DCC: variants seen among roughly 807,000 people sequenced by gnomAD.
DCC encodes DCC netrin 1 receptor.
Under a neutral mutation model 172.5 loss-of-function variants are expected in DCC, and 58 were observed. The observed-to-expected ratio is 0.34, with a 90% CI of 0.27 to 0.42. The LOEUF (loss-of-function observed/expected upper bound fraction) is 0.42, where lower values mean the gene tolerates loss of function less well. DCC is among the 10% of genes least tolerant of loss of function. The probability of loss-of-function intolerance (pLI) is 1.00; values close to 1 mark genes in which losing one functional copy is unlikely to be tolerated. For synonymous variants in DCC, 709 were observed against 644.5 expected (o/e 1.10, Z -1.52); for missense variants, 1,740 against 1,791.0 (o/e 0.97, Z 0.51).
At chr18:53,404,806 C>CA (rs775860531) in intron 19 of DCC, among the ~76,000 whole-genome samples, 2 of 151,168 alleles carry the variant, frequency 1.3e-5, no homozygotes, top group Non-Finnish European at 3.0e-5. Flanking sequence ...TTGTATATGC[C>CA]AAAATCACAG....
intron 8 of DCC, among the ~76,000 whole-genome samples, chr18:53,170,330 A>G (rs754420953): frequency 6.6e-6 from 1 of 152,252 alleles, no homozygotes; most frequent in Admixed American, 6.5e-5. Context: ...GAATATTTTC[A>G]TTATTGGAAC....
intron 2 of DCC, among the ~76,000 whole-genome samples, chr18:52,838,374 G>C (rs2038749317): frequency 6.6e-6 from 1 of 151,930 alleles, no homozygotes; most frequent in African/African-American, 2.4e-5. Context: ...TCACATTCTG[G>C]TGACTAACAG....
At chr18:52,938,057 G>A (rs2040406584) in intron 5 of DCC, among the ~76,000 whole-genome samples, 1 of 152,064 alleles carries the variant, frequency 6.6e-6, no homozygotes, top group Non-Finnish European at 1.5e-5. Context: ...CATAATCATT[G>A]TTTTTTAATA....
chr18:53,245,624 C>T (rs2056356589), intron 12 of DCC, among the ~76,000 whole-genome samples: 1 of 152,042 alleles, frequency 6.6e-6, no homozygotes, highest in Non-Finnish European at 1.5e-5. Context: ...TATAATGTTT[C>T]TCCTTTCGAT....
At chr18:53,027,149 C>G (rs948709263) in intron 5 of DCC, among the ~76,000 whole-genome samples, 1 of 152,134 alleles carries the variant, frequency 6.6e-6, no homozygotes, top group Non-Finnish European at 1.5e-5. Flanking sequence ...AAAGCATACC[C>G]TCCTTAGGAC....
At chr18:52,788,605 T>C (rs2037703178) in intron 2 of DCC, among the ~76,000 whole-genome samples, 1 of 152,242 alleles carries the variant, frequency 6.6e-6, no homozygotes. Flanking sequence ...TATTTTTCTT[T>C]AATCAATTAG....
intron 22 of DCC, among the ~76,000 whole-genome samples, chr18:53,437,635 C>CTTG (rs1374528071): frequency 7.3e-6 from 1 of 137,612 alleles, no homozygotes; most frequent in Non-Finnish European, 1.5e-5. Flanking sequence ...AGAGGAGGGA[C>CTTG]TTGTTGAGAC....
intron 1 of DCC, among the ~76,000 whole-genome samples, chr18:52,536,363 C>T (rs1432308860): frequency 6.6e-6 from 1 of 152,060 alleles, no homozygotes; most frequent in Non-Finnish European, 1.5e-5. Flanking sequence ...GCTGCTGCTC[C>T]TAAGTTAGGC....
intron 25 of DCC, among the ~76,000 whole-genome samples, chr18:53,471,446 C>G (rs752377285): frequency 1.3e-5 from 2 of 152,144 alleles, no homozygotes; most frequent in Non-Finnish European, 2.9e-5. Context: ...TTTGCCTTTA[C>G]AGTCAATTCT....
chr18:53,351,348 T>TATAC (rs1555656824), intron 15 of DCC, among the ~76,000 whole-genome samples: 1 of 54,698 alleles, frequency 1.8e-5, no homozygotes, highest in South Asian at 4.6e-4. Flanking sequence ...TATATATATA[T>TATAC]ACACAGTATA....
At chr18:53,148,132 G>T (rs1410770154) in intron 7 of DCC, among the ~76,000 whole-genome samples, 1 of 152,080 alleles carries the variant, frequency 6.6e-6, no homozygotes, top group Non-Finnish European at 1.5e-5. Flanking sequence ...TTTTACTTTA[G>T]TAGTGTCTCA....
At chr18:53,275,489 T>C (rs2056794664) in intron 12 of DCC, among the ~76,000 whole-genome samples, 1 of 152,136 alleles carries the variant, frequency 6.6e-6, no homozygotes, top group East Asian at 1.9e-4. Flanking sequence ...TGGTTTTAAA[T>C]TGGTAGTCCT....
At chr18:52,976,093 A>G (rs2041112744) in intron 5 of DCC, among the ~76,000 whole-genome samples, 1 of 151,902 alleles carries the variant, frequency 6.6e-6, no homozygotes, top group South Asian at 2.1e-4. Context: ...TTTGATTTCC[A>G]TTTCTCTAAT....
chr18:52,340,786 A>C lies in DCC; in HGVS notation c.-2A>C. 1.2e-6 allele frequency: 2 copies of C among 1,613,538 alleles called. No homozygotes were observed. The highest frequency in any genetic ancestry group is 1.7e-6 in the Non-Finnish European group (2 of 1,179,530). ...CCTGGCCCCGAAGGTGTTGGCTGAA[A>C]TATGGAGAATAGTCTTAGATGTGTT... On this transcript the variant is annotated 5_prime_UTR_variant, in exon 1 of 29. Coordinates refer to ENST00000442544, the MANE Select transcript of DCC (RefSeq NM_005215.4).
chr18:52,762,636 C>A (rs2037181476), intron 2 of DCC, among the ~76,000 whole-genome samples: 2 of 152,166 alleles, frequency 1.3e-5, no homozygotes, highest in Admixed American at 1.3e-4. Context: ...CCAGTCTGAG[C>A]AACATAGCAA....
chr18:52,497,314 T>C (rs1285148853), intron 1 of DCC, among the ~76,000 whole-genome samples: 879 of 73,946 alleles, frequency 0.012, 151 homozygotes, highest in South Asian at 0.023. Context: ...TATATATATA[T>C]ACACACACAC....
chr18:53,062,476 A>G (rs2042509995), intron 5 of DCC, among the ~76,000 whole-genome samples: 1 of 152,138 alleles, frequency 6.6e-6, no homozygotes, highest in East Asian at 1.9e-4. Context: ...CTGGCTTCTC[A>G]GTCAATATAA....
At chr18:52,764,290 G>A (rs948212104) in intron 2 of DCC, among the ~76,000 whole-genome samples, 1 of 152,222 alleles carries the variant, frequency 6.6e-6, no homozygotes, top group African/African-American at 2.4e-5. Context: ...ATAGCCATAG[G>A]CATTTGTCAG....
intron 25 of DCC, among the ~76,000 whole-genome samples, chr18:53,471,354 AT>A (rs1401931098): frequency 6.6e-6 from 1 of 152,192 alleles, no homozygotes; most frequent in Non-Finnish European, 1.5e-5. Context: ...TTAAGTTATT[AT>A]TGACTACAGT....
Sources: allele counts gnomAD v4.1 joint callset (sites outside exome capture counted in the v4.1 genomes callset), GRCh38; gene constraint gnomAD v4.1.1; transcripts MANE v1.5; gene names NCBI Gene and HGNC (gene_info 2026-07-23, HGNC 2026-07-21).